The following SORBS3 variants were observed in gnomAD, a reference collection of about 807,000 sequenced individuals.
SORBS3 encodes sorbin and SH3 domain containing 3.
Under a neutral mutation model 98.0 loss-of-function variants are expected in SORBS3, and 69 were observed. That is an observed-to-expected ratio of 0.70 (90% CI 0.58 to 0.86). SORBS3 has a LOEUF of 0.86. Among genes scored for constraint, SORBS3 ranks in the 40% least tolerant of loss-of-function variants. SORBS3 has a pLI of 0.00. For missense variants in SORBS3, 954 were observed against 908.5 expected, an observed-to-expected ratio of 1.05 and a Z score of -0.64; for synonymous variants, 394 against 355.4, an observed-to-expected ratio of 1.11 and a Z score of -1.22.
At position 22,569,290 on chromosome 8, in the gene SORBS3, A is replaced by G. The variant is rs1840508073; in HGVS notation, c.1431+17A>G. 2 of 1,571,516 alleles carry G rather than the reference A, an allele frequency of 1.3e-6. No homozygotes were observed. Among genetic ancestry groups the G allele is most frequent in the Admixed American group, 3.7e-5 (2 of 54,206 alleles). ...TTCCGCAAGGTGGGCCAGGCCGGAG[A>G]CGGAGGGGTGGGTGGGGGCAGGTGA... On this transcript the variant is annotated intron_variant, in intron 17 of 20. Coordinates refer to ENST00000240123, the MANE Select transcript of SORBS3 (RefSeq NM_005775.5).
In SORBS3 at chr8:22,565,870, C is replaced by G; in HGVS notation, c.948C>G (p.Ala316=). The change falls in exon 12 of 21, where the codon GCC becomes GCG. Residue 316 remains alanine (A), a splice_region_variant and synonymous_variant. Coordinates refer to ENST00000240123, the MANE Select transcript of SORBS3 (RefSeq NM_005775.5). The part of the protein sequence containing the change: ...PRRAPEQRPP[A]GPASAWSSSY... ...GGGCCCCGGAGCAGCGGCCCCCGGC[C>G]GGGTGAGTGGGAGACGCGGGAGGAG... The G allele has an allele frequency of 2.4e-6, 3 of 1,264,394 alleles. No homozygotes were observed. Among genetic ancestry groups the G allele is most frequent in the Non-Finnish European group, 3.0e-6 (3 of 1,005,552 alleles). 78.3% of individuals were successfully genotyped at this position (1,264,394 alleles called of 1,614,324 possible). A position where few individuals can be genotyped will look rare whatever the true frequency, so the allele number is the denominator to read the frequency against.
chr8:22,571,624 A>C (rs1373602477), intron 18 of SORBS3, 94 bp from the exon 19 acceptor site: 6 of 895,632 alleles, frequency 6.7e-6, no homozygotes, highest in African/African-American at 4.9e-5. Context: ...TGGCAGGTGG[A>C]CTGGGAACGC....
intron 5 of SORBS3, 118 bp from the exon 6 acceptor site, chr8:22,561,217 T>C (rs576796567): frequency 3.1e-6 from 3 of 960,346 alleles, no homozygotes; most frequent in East Asian, 2.6e-5. Flanking sequence ...CTTCAGGCCC[T>C]GACTCAGCCC....
chr8:22,563,836 A>G (rs1171141547), intron 7 of SORBS3, 151 bp from the exon 8 acceptor site: 3 of 631,890 alleles, frequency 4.7e-6, no homozygotes, highest in Non-Finnish European at 8.5e-6. Context: ...ACACTTCCAC[A>G]GTTTAATCTT....
chr8:22,554,229 T>A lies in SORBS3; in HGVS notation c.-55-223T>A, dbSNP rs1840141124. Reference sequence around the variant, plus strand: ...CCACTCCCACCCGGAGCTCCTGCCCTGGGCCTAACAAGTGGTCCATTGTGC... The same window carrying A: ...CCACTCCCACCCGGAGCTCCTGCCCAGGGCCTAACAAGTGGTCCATTGTGC... On this transcript the variant is annotated intron_variant, in intron 1 of 20. Coordinates refer to ENST00000240123, the MANE Select transcript of SORBS3 (RefSeq NM_005775.5). The surrounding 1 kb of genome is among the most constrained non-coding windows in gnomAD (Gnocchi z 6.5). The A allele has an allele frequency of 9.0e-5, 22 of 243,538 alleles. No homozygotes were observed. The highest frequency in any genetic ancestry group is 2.2e-4 in the East Asian group (2 of 9,160). 15.1% of individuals were successfully genotyped at this position (243,538 alleles called of 1,614,324 possible).
At chr8:22,547,612 C>T (rs890765529), upstream of SORBS3, among the ~76,000 whole-genome samples, 17 of 152,190 alleles carry the variant, frequency 1.1e-4, no homozygotes, top group African/African-American at 4.1e-4. Context: ...AATTTCCCAG[C>T]TCCTGGGTCT....
At chr8:22,574,397 G>A (rs574907311) in intron 20 of SORBS3, among the ~76,000 whole-genome samples, 1 of 95,490 alleles carries the variant, frequency 1.0e-5, no homozygotes, top group Non-Finnish European at 2.2e-5. Context: ...TGCGGAGGAG[G>A]GGGGGAGTGA....
In SORBS3 at chr8:22,554,747, C is replaced by T; in HGVS notation, c.103-116C>T. ...TCTGGGGGGCCTCGCTGGTTTCCCACAAAATCGTCAGGCGGGCCTGGGACT... is the reference window on the plus strand; with the variant it reads ...TCTGGGGGGCCTCGCTGGTTTCCCATAAAATCGTCAGGCGGGCCTGGGACT... On this transcript the variant is annotated intron_variant, in intron 2 of 20. Transcript: ENST00000240123. This position sits in a 1 kb window ranked among gnomAD's most constrained non-coding sequence, Gnocchi z 6.5. The T allele has an allele frequency of 7.3e-7, 1 of 1,373,118 alleles. No homozygotes were observed. The highest frequency in any genetic ancestry group is 2.2e-4 in the Middle Eastern group (1 of 4,474). 85.1% of individuals were successfully genotyped at this position (1,373,118 alleles called of 1,614,324 possible). A position where few individuals can be genotyped will look rare whatever the true frequency, so the allele number is the denominator to read the frequency against.
chr8:22,553,596 A>C (rs541832553), intron 1 of SORBS3, among the ~76,000 whole-genome samples: 102 of 152,332 alleles, frequency 6.7e-4, no homozygotes, highest in African/African-American at 2.2e-3. Flanking sequence ...GAGGCAGAAG[A>C]AGCTGGCTGT....
chr8:22,569,552 A>G (rs1394180219), intron 17 of SORBS3, among the ~76,000 whole-genome samples: 3 of 152,028 alleles, frequency 2.0e-5, no homozygotes, highest in African/African-American at 7.2e-5. Flanking sequence ...GTTGGCCAGG[A>G]TGGTCTCAGT....
At position 22,564,061 on chromosome 8, in the gene SORBS3, T is replaced by C. The variant is rs746627334; in HGVS notation, c.659T>C (p.Leu220Pro). The change falls in exon 8 of 21, where the codon CTG (leucine) becomes CCG (proline). Residue 220 changes from leucine (L) to proline (P), a missense_variant. Leu to Pro is a moderately conservative substitution (Grantham distance 98). Transcript: ENST00000240123. ...NYRPGAFSTV[L>P]QPSNQVLRRR... ...AGACCTGGAGCATTCTCCACTGTGCTGCAGCCCTCAAATCAGGTAGCCCAC... is the reference window on the plus strand; with the variant it reads ...AGACCTGGAGCATTCTCCACTGTGCCGCAGCCCTCAAATCAGGTAGCCCAC... 3.7e-6 allele frequency: 6 copies of C among 1,613,864 alleles called. No homozygotes were observed. The highest frequency in any genetic ancestry group is 5.1e-6 in the Non-Finnish European group (6 of 1,180,008).
intron 1 of SORBS3, among the ~76,000 whole-genome samples, chr8:22,546,571 C>G (rs576640784): frequency 2.6e-5 from 4 of 152,368 alleles, no homozygotes; most frequent in Admixed American, 2.6e-4. Flanking sequence ...TCCCAGCCCC[C>G]TCTGCAGCTT....
In SORBS3 at chr8:22,567,201, G is replaced by GGGGCT. The variant is rs1240894558; in HGVS notation, c.1305+35_1305+39dup. On this transcript the variant is annotated intron_variant, in intron 16 of 20. Transcript: ENST00000240123. ...GTGAGCAGGAGAGACAAGAGCAAGT[G>GGGGCT]GGGCTGGGCTGGGAGGGCGCAGGGG... The GGGGCT allele has an allele frequency of 2.0e-6, 3 of 1,531,042 alleles. No homozygotes were observed. In the African/African-American group the frequency reaches 4.1e-5, roughly 21 times the overall value. 94.8% of individuals were successfully genotyped at this position (1,531,042 alleles called of 1,614,324 possible). A position where few individuals can be genotyped will look rare whatever the true frequency, so the allele number is the denominator to read the frequency against.
intron 5 of SORBS3, 90 bp from the exon 6 acceptor site, chr8:22,561,245 G>T: frequency 7.9e-7 from 1 of 1,268,410 alleles, no homozygotes; most frequent in South Asian, 1.4e-5. Flanking sequence ...CCTACTCTAG[G>T]GATGTTGGGA....
In SORBS3 at chr8:22,561,370, A is replaced by G. The variant is rs1164081346; in HGVS notation, c.514A>G (p.Arg172Gly). Residue 172 changes from arginine to glycine, a missense_variant, in exon 6 of 21, where the codon AGA becomes GGA. Physicochemically the swap from Arg to Gly is moderately radical, Grantham distance 125. Transcript: ENST00000240123. ...QLDWTFEEPP[R>G]DPRHLGAQQR... ...GGACTGGACCTTCGAGGAGCCACCC[A>G]GAGGTGAGGGGATGCGGGCCCACCT... is the stretch of plus-strand genomic sequence containing the variant. 16 of 1,612,034 alleles carry G rather than the reference A, an allele frequency of 9.9e-6. No individual in the cohort carries two copies. Among genetic ancestry groups the G allele is most frequent in the African/African-American group, 1.3e-5 (1 of 74,870 alleles).
intron 16 of SORBS3, among the ~76,000 whole-genome samples, chr8:22,567,379 G>C (rs1386686154): frequency 6.6e-6 from 1 of 152,242 alleles, no homozygotes; most frequent in Non-Finnish European, 1.5e-5. Context: ...GTGGAGCCTA[G>C]CCCAGGGGAG....
At chr8:22,546,202 A>G (rs1840014232) in intron 1 of SORBS3, among the ~76,000 whole-genome samples, 1 of 152,228 alleles carries the variant, frequency 6.6e-6, no homozygotes, top group African/African-American at 2.4e-5. Context: ...CTTTTGTACT[A>G]TAAATTAGAG....
At chr8:22,566,163 C>A in intron 12 of SORBS3, 182 bp from the exon 13 acceptor site, 1 of 830,756 alleles carries the variant, frequency 1.2e-6, no homozygotes, top group Non-Finnish European at 1.7e-6. Context: ...CCCTGCCGGG[C>A]CTCACCCTTC....
At position 22,554,787 on chromosome 8, in the gene SORBS3, T is replaced by G. The variant is rs1173655266; in HGVS notation, c.103-76T>G. The G allele has an allele frequency of 2.0e-6, 3 of 1,464,406 alleles. No homozygotes were observed. Among genetic ancestry groups the G allele is most frequent in the East Asian group, 4.6e-5 (2 of 43,594 alleles). The allele number at this position is 1,464,406 out of a possible 1,614,324, so 90.7% of individuals were successfully genotyped here. ...GGCCTGGGACTGTCACCGAGGGGTG[T>G]GGGCTGTGCCTAGTAGCCATCCCTC... On this transcript the variant is annotated intron_variant, in intron 2 of 20. Transcript: ENST00000240123. This position sits in a 1 kb window ranked among gnomAD's most constrained non-coding sequence, Gnocchi z 6.5.
Sources: gnomAD v4.1 joint callset for allele counts (sites outside exome capture counted in the v4.1 genomes callset) on GRCh38, gnomAD v4.1.1 for gene constraint, Gnocchi (gnomAD v3.1) non-coding constraint, MANE v1.5 for transcripts, NCBI Gene and HGNC (gene_info 2026-07-23, HGNC 2026-07-21) for gene names.